The following CCR6 variants were observed in gnomAD, a reference collection of about 807,000 sequenced individuals.
CCR6 encodes the protein C-C chemokine receptor type 6.
Under a neutral mutation model 3.0 loss-of-function variants are expected in CCR6, and 2 were observed. The ratio of observed to expected loss-of-function variants is 0.66; its 90% confidence interval spans 0.27 to 2.07. The LOEUF is 2.07. CCR6 is among the 30% of genes most tolerant of loss of function. The probability of loss-of-function intolerance (pLI) is 0.14; values close to 1 mark genes in which losing one functional copy is unlikely to be tolerated. For missense variants in CCR6, 322 were observed against 462.8 expected (o/e 0.70, Z 2.79); for synonymous variants, 193 against 184.3 (o/e 1.05, Z -0.38).
intron 1 of CCR6, among the ~76,000 whole-genome samples, chr6:167,132,353 T>C (rs537358086): frequency 1.3e-5 from 2 of 152,274 alleles, no homozygotes; most frequent in South Asian, 4.1e-4. Flanking sequence ...CAGGTTCCCA[T>C]GGTGGATGCA....
At chr6:167,128,067 T>C (rs1310953489) in intron 1 of CCR6, among the ~76,000 whole-genome samples, 1 of 152,190 alleles carries the variant, frequency 6.6e-6, no homozygotes, top group Admixed American at 6.5e-5. Flanking sequence ...CCTTTGAATC[T>C]TTTCTTCTCC....
chr6:167,137,601 G>T lies in CCR6; in HGVS notation c.*246G>T. 2.7e-6 allele frequency: 1 copy of T among 372,466 alleles called. No homozygotes were observed. The highest frequency in any genetic ancestry group is 4.8e-6 in the Non-Finnish European group (1 of 207,300). The allele number at this position is 372,466 out of a possible 1,614,324, so 23.1% of individuals were successfully genotyped here. ...TAGCTCTAGGGTATATATCCGCCTG[G>T]CATTTCACAAAACAGCCTTTGGGAA... is the stretch of plus-strand genomic sequence containing the variant. On this transcript the variant is annotated 3_prime_UTR_variant, in exon 3 of 3. Transcript: ENST00000341935. This position sits in a 1 kb window ranked among gnomAD's most constrained non-coding sequence, Gnocchi z 4.6.
intron 1 of CCR6, among the ~76,000 whole-genome samples, chr6:167,134,489 G>A (rs1781819802): frequency 6.6e-6 from 1 of 152,228 alleles, no homozygotes; most frequent in South Asian, 2.1e-4. Context: ...CCAGGCATCA[G>A]GGAAGGAATG....
chr6:167,136,085 G>T lies in CCR6; in HGVS notation c.-50G>T. On this transcript the variant is annotated 5_prime_UTR_variant, in exon 2 of 3. Coordinates refer to ENST00000341935, the MANE Select transcript of CCR6 (RefSeq NM_031409.4). The surrounding 1 kb of genome is among the most constrained non-coding windows in gnomAD (Gnocchi z 4.6). ...CCGCTGCCTGTGAGCTGAAGGGGCT[G>T]AACCATACACTCCTTTTTCTACAAC... 6.2e-7 allele frequency: 1 copy of T among 1,608,056 alleles called. No homozygotes were observed.
chr6:167,124,799 G>A (rs201207457), intron 1 of CCR6, among the ~76,000 whole-genome samples: 2,745 of 150,520 alleles, frequency 0.018, 39 homozygotes, highest in Non-Finnish European at 0.03. Flanking sequence ...GCATATGCGC[G>A]CACACACACA....
At chr6:167,125,215 A>G (rs554633465) in intron 1 of CCR6, among the ~76,000 whole-genome samples, 190 of 152,354 alleles carry the variant, frequency 1.2e-3, no homozygotes, top group African/African-American at 4.5e-3. Flanking sequence ...CTGTCTGACA[A>G]TTGTAACACA....
chr6:167,128,388 C>A (rs1781704153), intron 1 of CCR6, among the ~76,000 whole-genome samples: 1 of 152,224 alleles, frequency 6.6e-6, no homozygotes, highest in African/African-American at 2.4e-5. Flanking sequence ...GCCTTAGTGA[C>A]CACGGTGGAG....
At position 167,137,336 on chromosome 6, in the gene CCR6, C is replaced by G. The variant is rs17860852; in HGVS notation, c.1106C>G (p.Ala369Gly). 5.9e-5 allele frequency: 95 copies of G among 1,612,262 alleles called. No homozygotes were observed. The highest frequency in any genetic ancestry group is 7.8e-5 in the Non-Finnish European group (92 of 1,179,534). Reference protein sequence around the residue: ...QTSETADNDNASSFTM With the variant: ...QTSETADNDNGSSFTM Reference sequence around the variant, plus strand: ...AGTGAGACCGCAGATAACGACAATGCGTCGTCCTTCACTATGTGATAGAAA... The same window carrying G: ...AGTGAGACCGCAGATAACGACAATGGGTCGTCCTTCACTATGTGATAGAAA... Residue 369 changes from alanine to glycine, a missense_variant, in exon 3 of 3, where the codon GCG (alanine) becomes GGG (glycine). Transcript: ENST00000341935. The surrounding 1 kb of genome is among the most constrained non-coding windows in gnomAD (Gnocchi z 4.6).
At chr6:167,121,306 T>C (rs1271263679), upstream of CCR6, among the ~76,000 whole-genome samples, 1 of 152,270 alleles carries the variant, frequency 6.6e-6, no homozygotes, top group East Asian at 1.9e-4. Flanking sequence ...GCTTAATTAA[T>C]GTTCATTTTT....
upstream of CCR6, chr6:167,119,309 G>A: frequency 6.5e-6 from 1 of 153,000 alleles, no homozygotes; most frequent in Admixed American, 6.5e-5. Flanking sequence ...GCTCGCAGTG[G>A]CATTTCTTCA....
chr6:167,115,798 C>G (rs928075522), intron 1 of CCR6: 26 of 152,192 alleles, frequency 1.7e-4, no homozygotes, highest in African/African-American at 6.3e-4. Flanking sequence ...TTAATAATTA[C>G]ATTTCTTATA....
At chr6:167,120,299 C>A (rs1372586725), upstream of CCR6, among the ~76,000 whole-genome samples, 1 of 152,136 alleles carries the variant, frequency 6.6e-6, no homozygotes, top group Non-Finnish European at 1.5e-5. Flanking sequence ...AGCAAGAATT[C>A]CCAACCAGCT....
chr6:167,128,153 T>A (rs1375880969), intron 1 of CCR6, among the ~76,000 whole-genome samples: 1 of 152,226 alleles, frequency 6.6e-6, no homozygotes, highest in African/African-American at 2.4e-5. Flanking sequence ...TCCAGCATGA[T>A]CTCTGCTTAC....
intron 1 of CCR6, among the ~76,000 whole-genome samples, chr6:167,124,187 T>C (rs1483930223): frequency 6.6e-6 from 1 of 151,752 alleles, no homozygotes; most frequent in Non-Finnish European, 1.5e-5. Context: ...AAAGCTATTC[T>C]TTAAATGGTT....
intron 1 of CCR6, among the ~76,000 whole-genome samples, chr6:167,131,958 C>T (rs1156858770): frequency 1.3e-5 from 2 of 152,214 alleles, no homozygotes; most frequent in African/African-American, 4.8e-5. Flanking sequence ...TCTGCCACCA[C>T]AAAAGCCCCT....
At chr6:167,112,851 C>A (rs1781436350) in intron 1 of CCR6, among the ~76,000 whole-genome samples, 1 of 152,124 alleles carries the variant, frequency 6.6e-6, no homozygotes, top group African/African-American at 2.4e-5. Context: ...TCTGGATACA[C>A]TGATGGGTCT....
intron 1 of CCR6, chr6:167,115,249 C>G (rs1781475747): frequency 1.3e-5 from 2 of 152,248 alleles, no homozygotes; most frequent in African/African-American, 4.8e-5. Flanking sequence ...GACCCCAGCG[C>G]CCAGCGCCCT....
At chr6:167,120,446 C>A (rs1204932835), upstream of CCR6, among the ~76,000 whole-genome samples, 13 of 152,158 alleles carry the variant, frequency 8.5e-5, no homozygotes, top group Admixed American at 7.9e-4. Context: ...AAGTGGTGTG[C>A]CATGGCCTCC....
At chr6:167,114,589 C>T (rs1412954968) in intron 1 of CCR6, among the ~76,000 whole-genome samples, 16 of 152,200 alleles carry the variant, frequency 1.1e-4, no homozygotes, top group South Asian at 4.1e-4. Flanking sequence ...AACCCTGGCA[C>T]GGAGATGAGC....
Sources: allele counts gnomAD v4.1 joint callset (sites outside exome capture counted in the v4.1 genomes callset), GRCh38; gene constraint gnomAD v4.1.1; non-coding constraint Gnocchi (gnomAD v3.1); transcripts MANE v1.5; gene names NCBI Gene and HGNC (gene_info 2026-07-23, HGNC 2026-07-21).